The following USH2A variants were observed in gnomAD, a reference collection of about 807,000 sequenced individuals.
The protein encoded by USH2A is Usher syndrome 2A (autosomal recessive, mild).
In USH2A, 443 loss-of-function variants were observed where a neutral mutation model predicts 538.9. The observed-to-expected ratio is 0.82, with a 90% confidence interval of 0.76 to 0.89. The LOEUF is 0.89. Among genes scored for constraint, USH2A ranks in the 40% least tolerant of loss-of-function variants. The pLI, the probability that USH2A is intolerant of heterozygous loss-of-function variation, is 0.00. For synonymous variants in USH2A, 2,413 were observed against 2,273.5 expected (o/e 1.06, Z -1.75); for missense variants, 6,633 against 6,324.8 (o/e 1.05, Z -1.65).
At chr1:215,906,589 A>G (rs1055256465) in intron 38 of USH2A, among the ~76,000 whole-genome samples, 3 of 152,076 alleles carry the variant, frequency 2.0e-5, no homozygotes, top group African/African-American at 4.8e-5. Context: ...ACAATATTAA[A>G]TAAACAAATT....
intron 21 of USH2A, among the ~76,000 whole-genome samples, chr1:216,135,039 T>C (rs9662475): frequency 0.024 from 3,625 of 151,998 alleles, 146 homozygotes; most frequent in African/African-American, 0.083. Flanking sequence ...AAGAAAGAGA[T>C]GAAGTACTGA....
intron 58 of USH2A, among the ~76,000 whole-genome samples, chr1:215,748,802 G>C (rs1427310418): frequency 2.0e-5 from 3 of 152,218 alleles, no homozygotes; most frequent in Non-Finnish European, 4.4e-5. Flanking sequence ...ATAGAGAGTT[G>C]TGAGGATTAA....
rs547821347 is a variant in USH2A at position 216,279,915 on chromosome 1, A to T, written c.1971+9365T>A. On this transcript the variant is annotated intron_variant, in intron 11 of 71. Coordinates refer to ENST00000307340, the MANE Select transcript of USH2A (RefSeq NM_206933.4). The stretch of plus-strand genomic sequence containing the variant: ...ACCTGTGGAGGTGGCTATAGCAGGG[A>T]CTCTGGGGCTACCAGAAAATATGTG... Among the ~76,000 whole-genome samples the T allele has an allele frequency of 3.6e-4, 54 of 151,988 alleles. 1 individual carries two copies. Among genetic ancestry groups the T allele is most frequent in the Middle Eastern group, 3.4e-3 (1 of 292 alleles).
chr1:215,773,184 G>C (rs1363815695), intron 55 of USH2A, among the ~76,000 whole-genome samples: 1 of 152,142 alleles, frequency 6.6e-6, no homozygotes, highest in Non-Finnish European at 1.5e-5. Flanking sequence ...CTGGGTGCTT[G>C]CATGGGTGAA....
intron 66 of USH2A, among the ~76,000 whole-genome samples, chr1:215,648,072 T>C (rs1656918219): frequency 1.3e-5 from 2 of 152,232 alleles, no homozygotes; most frequent in African/African-American, 2.4e-5. Flanking sequence ...AAATAATTTT[T>C]TTTCTAAATG....
chr1:216,373,816 C>T (rs935945992), intron 3 of USH2A, among the ~76,000 whole-genome samples: 13 of 152,120 alleles, frequency 8.5e-5, no homozygotes, highest in Middle Eastern at 3.4e-3. Context: ...ATGTTTATTG[C>T]GGCCCTATTC....
chr1:215,970,545 C>T, intron 36 of USH2A, 80 bp downstream of exon 36: 1 of 1,584,330 alleles, frequency 6.3e-7, no homozygotes, highest in Non-Finnish European at 8.7e-7. Flanking sequence ...GAGGGTGAGT[C>T]ACCGCCACTT....
At chr1:215,706,877 C>T (rs1303635027) in intron 61 of USH2A, among the ~76,000 whole-genome samples, 2 of 152,098 alleles carry the variant, frequency 1.3e-5, no homozygotes, top group African/African-American at 4.8e-5. Flanking sequence ...TATTGATTAT[C>T]TGCTTTTATT....
At chr1:215,646,907 C>A (rs564354475) in intron 67 of USH2A, among the ~76,000 whole-genome samples, 13 of 152,290 alleles carry the variant, frequency 8.5e-5, no homozygotes, top group African/African-American at 2.4e-4. Context: ...CAATTGCCTG[C>A]AGTATTCAGC....
chr1:216,072,996 A>T, intron 28 of USH2A, 27 bp from the exon 29 acceptor site: 2 of 1,613,424 alleles, frequency 1.2e-6, no homozygotes, highest in Non-Finnish European at 1.7e-6. Flanking sequence ...ATGCAGCAAG[A>T]TTAAAATAAT....
chr1:216,077,499 AT>A (rs1420427728), intron 27 of USH2A, among the ~76,000 whole-genome samples: 4 of 151,054 alleles, frequency 2.6e-5, no homozygotes, highest in Non-Finnish European at 4.4e-5. Context: ...AACTTAATTT[AT>A]TTTTTCATCT....
intron 13 of USH2A, among the ~76,000 whole-genome samples, chr1:216,240,521 TAAAAA>T (rs1376457504): frequency 1.5e-5 from 2 of 133,480 alleles, no homozygotes; most frequent in African/African-American, 2.8e-5. Flanking sequence ...TCCAGGTCGT[TAAAAA>T]AAAAAAAAAA....
rs1195871302 is a variant in USH2A at position 216,050,604 on chromosome 1, C to CTTTCTTTCTT, written c.6050-1958_6050-1957insAAGAAAGAAA. 1.3e-3 allele frequency among the ~76,000 whole-genome samples: 90 copies of CTTTCTTTCTT among 68,608 alleles called. 2 individuals carry two copies. The highest frequency in any genetic ancestry group is 4.5e-3 in the African/African-American group (85 of 18,828). 45.0% of individuals were successfully genotyped at this position (68,608 alleles called of 152,430 possible). The stretch of plus-strand genomic sequence containing the variant: ...TCTTTCTTTCTTTCTTTCTTTCTTT[C>CTTTCTTTCTT]TTTTTTTTTTTTTTTTTTGAGACAG... On this transcript the variant is annotated intron_variant, in intron 30 of 71. Coordinates refer to ENST00000307340, the MANE Select transcript of USH2A (RefSeq NM_206933.4).
At chr1:216,068,280 C>T (rs1479736654) in intron 30 of USH2A, among the ~76,000 whole-genome samples, 1 of 152,106 alleles carries the variant, frequency 6.6e-6, no homozygotes, top group Non-Finnish European at 1.5e-5. Context: ...GGAGCAATAG[C>T]TGGGAGTTTG....
chr1:215,743,402 GTGTGTGTGTGTGTGTA>G, intron 58 of USH2A, 67 bp from the exon 59 acceptor site: 1 of 445,884 alleles, frequency 2.2e-6, no homozygotes, highest in Admixed American at 5.2e-5. Context: ...GTGTGTGTGT[GTGTGTGTGTGTGTGTA>G]TATATATATA....
At chr1:215,841,221 G>C (rs537844022) in intron 46 of USH2A, among the ~76,000 whole-genome samples, 1 of 152,094 alleles carries the variant, frequency 6.6e-6, no homozygotes, top group Non-Finnish European at 1.5e-5. Context: ...AACCAAAAAA[G>C]AGCCTGTATA....
intron 21 of USH2A, among the ~76,000 whole-genome samples, chr1:216,126,895 T>C (rs1206302074): frequency 6.6e-6 from 1 of 152,200 alleles, no homozygotes; most frequent in Non-Finnish European, 1.5e-5. Flanking sequence ...ATGCTATTCA[T>C]GATAATGTGG....
chr1:216,081,349 G>T (rs956992901), intron 26 of USH2A, among the ~76,000 whole-genome samples: 6 of 152,250 alleles, frequency 3.9e-5, no homozygotes, highest in Non-Finnish European at 7.4e-5. Flanking sequence ...GAGATTCAAG[G>T]TTTCAGCAAT....
At chr1:215,741,640 G>A in intron 59 of USH2A, 103 bp from the exon 60 acceptor site, 1 of 1,307,752 alleles carries the variant, frequency 7.6e-7, no homozygotes, top group East Asian at 2.4e-5. Context: ...ATTTTAACCT[G>A]TCCTTTTGCA....
Sources: allele counts gnomAD v4.1 joint callset (sites outside exome capture counted in the v4.1 genomes callset), GRCh38; gene constraint gnomAD v4.1.1; transcripts MANE v1.5; gene names NCBI Gene and HGNC (gene_info 2026-07-23, HGNC 2026-07-21).